Variants in CDK8 observed in about 807,000 individuals in gnomAD.
The protein encoded by CDK8 is cyclin dependent kinase 8, also known as cyclin-dependent kinase 8.
In CDK8, 29 loss-of-function variants were observed where a neutral mutation model predicts 71.5. That is an observed-to-expected ratio of 0.41 (90% CI 0.30 to 0.55). The LOEUF (loss-of-function observed/expected upper bound fraction) is 0.55, where lower values mean the gene tolerates loss of function less well. CDK8 is among the 20% of genes least tolerant of loss of function. The probability of loss-of-function intolerance (pLI) is 0.37; values close to 1 mark genes in which losing one functional copy is unlikely to be tolerated. For synonymous variants in CDK8, 161 were observed against 192.1 expected, an observed-to-expected ratio of 0.84 and a Z score of 1.34; for missense variants, 288 against 572.6, an observed-to-expected ratio of 0.50 and a Z score of 5.07.
chr13:26,268,589 T>C (rs542684008), intron 1 of CDK8, among the ~76,000 whole-genome samples: 8 of 152,290 alleles, frequency 5.3e-5, no homozygotes, highest in African/African-American at 1.9e-4. Context: ...TAGCTAGGAC[T>C]ACAGGCACAG....
chr13:26,274,555 C>A (rs528870068), intron 1 of CDK8, among the ~76,000 whole-genome samples: 49 of 151,820 alleles, frequency 3.2e-4, no homozygotes, highest in African/African-American at 1.1e-3. Flanking sequence ...CCTCAGCCTC[C>A]CGAGTAGCTG....
intron 1 of CDK8, among the ~76,000 whole-genome samples, chr13:26,266,975 CAATT>C (rs1283645015): frequency 2.6e-5 from 4 of 152,120 alleles, no homozygotes; most frequent in African/African-American, 7.2e-5. Flanking sequence ...AATTAGGAGA[CAATT>C]AATATTTTCC....
intron 1 of CDK8, among the ~76,000 whole-genome samples, chr13:26,316,435 A>G (rs1874517803): frequency 6.6e-6 from 1 of 152,182 alleles, no homozygotes; most frequent in African/African-American, 2.4e-5. Flanking sequence ...CCATTGTTGC[A>G]AACCCCTTTC....
intron 1 of CDK8, among the ~76,000 whole-genome samples, chr13:26,284,806 G>T (rs575676828): frequency 6.6e-6 from 1 of 151,714 alleles, no homozygotes. Flanking sequence ...ATCAGGAAAG[G>T]TTATAATAAC....
intron 1 of CDK8, among the ~76,000 whole-genome samples, chr13:26,322,726 C>T (rs1369762923): frequency 1.3e-5 from 2 of 152,134 alleles, no homozygotes; most frequent in Non-Finnish European, 2.9e-5. Flanking sequence ...TTGACAGTCA[C>T]TTCTTTAGTA....
intron 6 of CDK8, among the ~76,000 whole-genome samples, chr13:26,386,205 A>T (rs1457000031): frequency 6.6e-6 from 1 of 152,170 alleles, no homozygotes; most frequent in Non-Finnish European, 1.5e-5. Context: ...GTCAATGTTG[A>T]CATTGTTTTG....
chr13:26,288,501 A>G (rs777314367), intron 1 of CDK8, among the ~76,000 whole-genome samples: 32 of 151,750 alleles, frequency 2.1e-4, no homozygotes, highest in Non-Finnish European at 3.8e-4. Flanking sequence ...GGTAATATAA[A>G]TCTTCCAATT....
chr13:26,270,755 C>G (rs1324823548), intron 1 of CDK8, among the ~76,000 whole-genome samples: 1 of 152,150 alleles, frequency 6.6e-6, no homozygotes, highest in Non-Finnish European at 1.5e-5. Flanking sequence ...TGGGTTCTTT[C>G]TACTTTTTGG....
At chr13:26,328,242 C>A (rs1031221988) in intron 1 of CDK8, among the ~76,000 whole-genome samples, 2 of 152,138 alleles carry the variant, frequency 1.3e-5, no homozygotes, top group African/African-American at 4.8e-5. Context: ...ATAATTAAAT[C>A]TTAGACCTAC....
chr13:26,348,966 G>T (rs1873578172), intron 2 of CDK8, 106 bp from the exon 3 acceptor site: 2 of 747,318 alleles, frequency 2.7e-6, no homozygotes, highest in Non-Finnish European at 4.8e-6. Flanking sequence ...AGATGTTTAA[G>T]ATTGTTTACC....
intron 1 of CDK8, among the ~76,000 whole-genome samples, chr13:26,290,612 T>C (rs1873248943): frequency 6.6e-6 from 1 of 152,178 alleles, no homozygotes; most frequent in African/African-American, 2.4e-5. Flanking sequence ...TATGAATAGA[T>C]TTCTTGAAGG....
Position 26,404,937 on chromosome 13 carries a change from C to T in CDK8, c.*856C>T, listed in dbSNP as rs1255248892. ...GAATGATAACTTCCTTAAAAAGGTG[C>T]GGCATCCAATTCAAATATTTTCGTC... On this transcript the variant is annotated 3_prime_UTR_variant, in exon 13 of 13. Coordinates refer to ENST00000381527, the MANE Select transcript of CDK8 (RefSeq NM_001260.3). The T allele has an allele frequency of 3.9e-5, 8 of 204,294 alleles. No homozygotes were observed. Among genetic ancestry groups the T allele is most frequent in the African/African-American group, 1.6e-4 (7 of 43,688 alleles). The allele number at this position is 204,294 out of a possible 1,614,324, so 12.7% of individuals were successfully genotyped here. A position where few individuals can be genotyped will look rare whatever the true frequency, so the allele number is the denominator to read the frequency against.
chr13:26,296,371 T>A (rs891789064), intron 1 of CDK8, among the ~76,000 whole-genome samples: 26 of 152,248 alleles, frequency 1.7e-4, no homozygotes, highest in Admixed American at 5.9e-4. Context: ...ATTTACTTGC[T>A]ATTCTCTAAG....
intron 1 of CDK8, among the ~76,000 whole-genome samples, chr13:26,305,829 G>T (rs1264910916): frequency 1.3e-5 from 2 of 152,066 alleles, no homozygotes; most frequent in African/African-American, 2.4e-5. Flanking sequence ...GAGGTACTCT[G>T]TTGGAATTCT....
At chr13:26,321,003 C>A (rs926781987) in intron 1 of CDK8, among the ~76,000 whole-genome samples, 2 of 152,164 alleles carry the variant, frequency 1.3e-5, no homozygotes, top group Non-Finnish European at 2.9e-5. Flanking sequence ...TTCAGCAATT[C>A]CACTTCTGGG....
At chr13:26,379,523 T>A (rs1875116650) in intron 4 of CDK8, among the ~76,000 whole-genome samples, 1 of 152,152 alleles carries the variant, frequency 6.6e-6, no homozygotes, top group African/African-American at 2.4e-5. Context: ...CTTCTTCAAG[T>A]GCCAAGCCAA....
chr13:26,389,730 GC>G (rs1726965625), intron 6 of CDK8, among the ~76,000 whole-genome samples: 1 of 151,740 alleles, frequency 6.6e-6, no homozygotes, highest in South Asian at 2.1e-4. Flanking sequence ...AGGCACGGTG[GC>G]TCACACCTGT....
At chr13:26,262,310 T>G (rs1336755028) in intron 1 of CDK8, among the ~76,000 whole-genome samples, 1 of 152,230 alleles carries the variant, frequency 6.6e-6, no homozygotes, top group Non-Finnish European at 1.5e-5. Context: ...AAATTATAGA[T>G]TTCCTTTAGG....
intron 7 of CDK8, among the ~76,000 whole-genome samples, chr13:26,395,754 A>G (rs929370873): frequency 2.0e-5 from 3 of 152,088 alleles, no homozygotes; most frequent in Non-Finnish European, 2.9e-5. Flanking sequence ...ATCCTACCCT[A>G]TTGTGCAAAT....
Sources: gnomAD v4.1 joint callset for allele counts (sites outside exome capture counted in the v4.1 genomes callset) on GRCh38, gnomAD v4.1.1 for gene constraint, MANE v1.5 for transcripts, NCBI Gene and HGNC (gene_info 2026-07-23, HGNC 2026-07-21) for gene names.